GREB1: variants seen among roughly 807,000 people sequenced by gnomAD.
GREB1 encodes protein GREB1.
A neutral mutation model predicts 200.7 loss-of-function variants in GREB1; 106 were observed. That is an observed-to-expected ratio of 0.53 (90% CI 0.45 to 0.62). The LOEUF (loss-of-function observed/expected upper bound fraction) is 0.62. GREB1 is among the 20% of genes least tolerant of loss of function. The probability of loss-of-function intolerance (pLI) is 0.00; values close to 1 mark genes in which losing one functional copy is unlikely to be tolerated. For synonymous variants in GREB1, 1,132 were observed against 1,092.4 expected (o/e 1.04, Z -0.72); for missense variants, 2,243 against 2,556.8 (o/e 0.88, Z 2.65).
At chr2:11,592,376 C>G (rs1330381693) in intron 10 of GREB1, among the ~76,000 whole-genome samples, 2 of 148,050 alleles carry the variant, frequency 1.4e-5, no homozygotes, top group East Asian at 3.9e-4. Flanking sequence ...TGAACTGCAG[C>G]TTGAGGACAT....
intron 2 of GREB1, among the ~76,000 whole-genome samples, chr2:11,559,377 C>T (rs968369620): frequency 7.9e-5 from 12 of 152,156 alleles, no homozygotes; most frequent in African/African-American, 2.7e-4. Context: ...CTGATGTAGA[C>T]CTTTGACTTT....
At chr2:11,612,193 CA>C (rs59217779) in intron 18 of GREB1, 10,232 of 239,164 alleles carry the variant, frequency 0.043, no homozygotes, top group Non-Finnish European at 0.053. Flanking sequence ...GACTCTGTCT[CA>C]AAAAAAAAAA....
intron 3 of GREB1, among the ~76,000 whole-genome samples, chr2:11,565,182 G>T (rs548727021): frequency 2.0e-5 from 3 of 152,176 alleles, no homozygotes; most frequent in Non-Finnish European, 2.9e-5. Context: ...AAATCACTCA[G>T]CCTCTCTGAG....
At chr2:11,507,009 T>C (rs567969307) in intron 1 of GREB1, among the ~76,000 whole-genome samples, 27 of 152,344 alleles carry the variant, frequency 1.8e-4, no homozygotes, top group African/African-American at 6.5e-4. Context: ...TACAAGATAA[T>C]CAATAACTTA....
intron 1 of GREB1, among the ~76,000 whole-genome samples, chr2:11,488,051 C>A (rs913866365): frequency 1.3e-4 from 20 of 152,190 alleles, no homozygotes; most frequent in African/African-American, 4.8e-4. Context: ...AACCTAAAAG[C>A]TTCCTTTGAC....
intron 31 of GREB1, among the ~76,000 whole-genome samples, 171 bp from the exon 32 acceptor site, chr2:11,638,500 A>G (rs1413979770): frequency 6.6e-6 from 1 of 152,228 alleles, no homozygotes; most frequent in Non-Finnish European, 1.5e-5. Context: ...AACTTCCAGA[A>G]TTTATTTTTC....
chr2:11,576,565 G>A (rs1248078696), intron 5 of GREB1, 30 bp downstream of exon 5: 1 of 1,580,716 alleles, frequency 6.3e-7, no homozygotes, highest in South Asian at 1.1e-5. Context: ...AGGAGGTATG[G>A]GAGTGCTGGG....
Position 11,618,493 on chromosome 2 carries a change from C to T in GREB1, c.3618C>T (p.Thr1206=), listed in dbSNP as rs546207469. Residue 1206 remains threonine (T), a synonymous_variant, in exon 22 of 33, where the codon ACC becomes ACT. Transcript: ENST00000381486. Reference sequence around the variant, plus strand: ...CCCAGCCCGACTGTAGCCTCAGGACCGGCCAGAGGAGCGTCCAGGTGTCGG... The same window carrying T: ...CCCAGCCCGACTGTAGCCTCAGGACTGGCCAGAGGAGCGTCCAGGTGTCGG... ...PTPQPDCSLR[T]GQRSVQVSVT... is the part of the protein sequence containing the mutation. 103 of 1,609,984 alleles carry T rather than the reference C, an allele frequency of 6.4e-5. No homozygotes were observed. Among genetic ancestry groups the T allele is most frequent in the Admixed American group, 2.3e-4 (14 of 59,626 alleles).
At chr2:11,598,615 C>A in intron 14 of GREB1, 65 bp from the exon 15 acceptor site, 1 of 1,432,144 alleles carries the variant, frequency 7.0e-7, no homozygotes. Context: ...CCTCAGGTGT[C>A]TGTTGAGTGA....
At chr2:11,626,579 C>A (rs979077361) in intron 24 of GREB1, among the ~76,000 whole-genome samples, 3 of 152,288 alleles carry the variant, frequency 2.0e-5, no homozygotes, top group African/African-American at 4.8e-5. Flanking sequence ...CAGAGCAAGA[C>A]CTTGTCTCCA....
upstream of GREB1, among the ~76,000 whole-genome samples, chr2:11,530,834 T>A (rs1674048062): frequency 6.6e-6 from 1 of 151,990 alleles, no homozygotes; most frequent in Admixed American, 6.6e-5. Context: ...ACACAATTTT[T>A]AAAAAGGGGT....
chr2:11,508,961 G>A (rs1438543586), intron 1 of GREB1, among the ~76,000 whole-genome samples: 5 of 146,794 alleles, frequency 3.4e-5, no homozygotes, highest in Non-Finnish European at 5.9e-5. Context: ...TGCAAGCTCC[G>A]CCTCCCGGGT....
chr2:11,571,575 A>C (rs928943434), intron 4 of GREB1, among the ~76,000 whole-genome samples: 10 of 152,250 alleles, frequency 6.6e-5, no homozygotes, highest in African/African-American at 2.4e-4. Context: ...AATGCTGCCC[A>C]AATTTGAGGA....
chr2:11,627,404 G>A (rs965276966), intron 25 of GREB1, among the ~76,000 whole-genome samples: 6 of 152,208 alleles, frequency 3.9e-5, no homozygotes, highest in Non-Finnish European at 5.9e-5. Flanking sequence ...ATGCTCACCA[G>A]GTGCTTATTC....
At chr2:11,632,619 T>C (rs1684976930) in intron 27 of GREB1, among the ~76,000 whole-genome samples, 1 of 152,210 alleles carries the variant, frequency 6.6e-6, no homozygotes, top group Admixed American at 6.5e-5. Flanking sequence ...ATTATAGGCG[T>C]GAGCCACTGC....
intron 1 of GREB1, among the ~76,000 whole-genome samples, chr2:11,544,438 G>C (rs1049443256): frequency 3.9e-5 from 6 of 152,172 alleles, no homozygotes; most frequent in African/African-American, 9.6e-5. Context: ...GGATGGTCTC[G>C]ATCTCCTGAC....
At chr2:11,558,558 G>T (rs907873843) in intron 2 of GREB1, among the ~76,000 whole-genome samples, 1 of 152,212 alleles carries the variant, frequency 6.6e-6, no homozygotes, top group African/African-American at 2.4e-5. Context: ...ACAAACAGAA[G>T]AGAGAAGTCC....
chr2:11,618,506 G>A lies in GREB1; in HGVS notation c.3631G>A (p.Val1211Ile), dbSNP rs375701760. The A allele has an allele frequency of 9.6e-5, 154 of 1,611,392 alleles. No individual in the cohort carries two copies. In the East Asian group the frequency reaches 1.0e-3, roughly 11 times the overall value. The part of the protein sequence containing the change: ...DCSLRTGQRS[V>I]QVSVTSSCSQ... ...TAGCCTCAGGACCGGCCAGAGGAGC[G>A]TCCAGGTGTCGGTCACCTCGTCGTG... Residue 1211 changes from valine (V) to isoleucine (I), a missense_variant, in exon 22 of 33, where the codon GTC becomes ATC. By Grantham distance (29) the Val-to-Ile change is conservative (BLOSUM62 3). Coordinates refer to ENST00000381486, the MANE Select transcript of GREB1 (RefSeq NM_014668.4).
At chr2:11,535,338 A>G (rs1305008243) in intron 1 of GREB1, among the ~76,000 whole-genome samples, 1 of 152,154 alleles carries the variant, frequency 6.6e-6, no homozygotes, top group Non-Finnish European at 1.5e-5. Context: ...AGCTAATGGC[A>G]TCCCTTCCAT....
Sources: gnomAD v4.1 joint callset for allele counts (sites outside exome capture counted in the v4.1 genomes callset) on GRCh38, gnomAD v4.1.1 for gene constraint, MANE v1.5 for transcripts, NCBI Gene and HGNC (gene_info 2026-07-23, HGNC 2026-07-21) for gene names.